The following KIF27 variants were observed in gnomAD, a reference collection of about 807,000 sequenced individuals.
KIF27 encodes the protein kinesin family member 27, also known as kinesin-like protein KIF27.
KIF27 carries 84 observed loss-of-function variants against 141.8 expected under a neutral mutation model. That is an observed-to-expected ratio of 0.59 (90% CI 0.50 to 0.71). KIF27 has a LOEUF of 0.71. KIF27 is among the 30% of genes least tolerant of loss of function. The pLI is 0.00. For synonymous variants in KIF27, 471 were observed against 569.5 expected, an observed-to-expected ratio of 0.83 and a Z score of 2.46; for missense variants, 1,306 against 1,628.4, an observed-to-expected ratio of 0.80 and a Z score of 3.41.
At chr9:83,906,873 A>T (rs1021586528) in intron 3 of KIF27, among the ~76,000 whole-genome samples, 8 of 152,146 alleles carry the variant, frequency 5.3e-5, no homozygotes, top group African/African-American at 1.9e-4. Flanking sequence ...ACAAATTACC[A>T]TATAAACATG....
At chr9:83,898,269 C>T (rs980346262) in intron 5 of KIF27, among the ~76,000 whole-genome samples, 1 of 152,174 alleles carries the variant, frequency 6.6e-6, no homozygotes, top group African/African-American at 2.4e-5. Context: ...TCACACATTA[C>T]AGATAAAATA....
rs746775770 is a variant in KIF27, at chr9:83,887,177, G to A, written c.2103C>T (p.Leu701=). 6.5e-7 allele frequency: 1 copy of A among 1,530,786 alleles called. No individual in the cohort carries two copies. 94.8% of individuals were successfully genotyped at this position (1,530,786 alleles called of 1,614,324 possible). A position where few individuals can be genotyped will look rare whatever the true frequency, so the allele number is the denominator to read the frequency against. ...GCAAATTCAATTCTTGACTCTCCTG[G>A]AGACAATCAATCTTTAAATCTTTAA... ...LENEDLKIDC[L]QESQELNLQK... The change falls in exon 9 of 18, where the codon CTC becomes CTT. Residue 701 remains leucine (L), a synonymous_variant. Transcript: ENST00000297814.
chr9:83,907,291 A>AAAATAAATAAATAAAT (rs201873830), intron 3 of KIF27, among the ~76,000 whole-genome samples: 1 of 138,456 alleles, frequency 7.2e-6, no homozygotes, highest in Non-Finnish European at 1.5e-5. Flanking sequence ...CTCCATCTCA[A>AAAATAAATAAATAAAT]AAATAAATAA....
At position 83,908,628 on chromosome 9, in the gene KIF27, C is replaced by A; in HGVS notation, c.323G>T (p.Gly108Val). The A allele has an allele frequency of 6.2e-7, 1 of 1,605,364 alleles. No individual in the cohort carries two copies. The highest frequency in any genetic ancestry group is 8.5e-7 in the Non-Finnish European group (1 of 1,175,672). The stretch of plus-strand genomic sequence containing the variant: ...TTCTTGAATAGCTCGAGGAATGATA[C>A]CCTTTTGGCCCTCCACAACTGAAGC... ...HIASVVEGQK[G>V]IIPRAIQEIF... Residue 108 changes from glycine (G) to valine (V), a missense_variant, in exon 3 of 18, where the codon GGT becomes GTT. Coordinates refer to ENST00000297814, the MANE Select transcript of KIF27 (RefSeq NM_017576.4).
At chr9:83,919,315 G>C (rs1447528682) in intron 1 of KIF27, among the ~76,000 whole-genome samples, 1 of 152,146 alleles carries the variant, frequency 6.6e-6, no homozygotes, top group Non-Finnish European at 1.5e-5. Flanking sequence ...AAATGATCCA[G>C]CAATTCCACT....
chr9:83,902,286 G>A (rs1168942262), intron 4 of KIF27, among the ~76,000 whole-genome samples: 2 of 152,082 alleles, frequency 1.3e-5, no homozygotes, highest in Admixed American at 1.3e-4. Context: ...TTTGAAAAAT[G>A]GACAGAACCA....
chr9:83,909,719 G>A (rs752431718), intron 2 of KIF27, among the ~76,000 whole-genome samples: 6 of 151,968 alleles, frequency 3.9e-5, no homozygotes, highest in Non-Finnish European at 7.4e-5. Flanking sequence ...AGATATGGTA[G>A]AAATGTATAT....
intron 14 of KIF27, among the ~76,000 whole-genome samples, chr9:83,856,971 T>G (rs928117174): frequency 2.0e-5 from 3 of 150,538 alleles, no homozygotes; most frequent in African/African-American, 4.9e-5. Flanking sequence ...AAAGATTAGA[T>G]AAACATAATA....
intron 1 of KIF27, 35 bp from the exon 2 acceptor site, chr9:83,915,713 C>G: frequency 1.1e-6 from 1 of 950,004 alleles, no homozygotes; most frequent in East Asian, 2.6e-5. Flanking sequence ...ATTTTAATTA[C>G]TGATTCCTTG....
intron 5 of KIF27, among the ~76,000 whole-genome samples, chr9:83,896,410 A>T (rs1186609499): frequency 6.6e-6 from 1 of 152,206 alleles, no homozygotes; most frequent in Non-Finnish European, 1.5e-5. Flanking sequence ...AAAAATTAGT[A>T]CAGTTCCACA....
intron 1 of KIF27, among the ~76,000 whole-genome samples, chr9:83,916,408 C>A (rs1955685142): frequency 6.6e-6 from 1 of 152,114 alleles, no homozygotes. Flanking sequence ...CTCTTTGCCA[C>A]AATTATTAGA....
chr9:83,869,094 A>G (rs1478366286), intron 12 of KIF27, among the ~76,000 whole-genome samples: 20 of 152,204 alleles, frequency 1.3e-4, no homozygotes, highest in Non-Finnish European at 2.9e-4. Context: ...CTTAAAAGGA[A>G]AAAACCTAAA....
intron 14 of KIF27, among the ~76,000 whole-genome samples, chr9:83,854,495 C>T (rs1477496116): frequency 3.3e-5 from 5 of 152,120 alleles, no homozygotes; most frequent in South Asian, 2.1e-4. Flanking sequence ...AATAGGGCAA[C>T]GTAGTATTTT....
chr9:83,914,357 G>A (rs190389357), intron 2 of KIF27, among the ~76,000 whole-genome samples: 2 of 152,162 alleles, frequency 1.3e-5, no homozygotes, highest in African/African-American at 2.4e-5. Flanking sequence ...CTTTTAGTTG[G>A]AGAGTATTGG....
At position 83,836,941 on chromosome 9, in the gene KIF27, T is replaced by A; in HGVS notation, c.*60A>T. ...AGGTAGTGAACTTGAGCTTTAGTTT[T>A]TAACAGGTTAGAAAAAGGAATCTTT... On this transcript the variant is annotated 3_prime_UTR_variant, in exon 18 of 18. Coordinates refer to ENST00000297814, the MANE Select transcript of KIF27 (RefSeq NM_017576.4). 1 of 1,552,374 alleles carries A rather than the reference T, an allele frequency of 6.4e-7. No individual in the cohort carries two copies. The highest frequency in any genetic ancestry group is 8.7e-7 in the Non-Finnish European group (1 of 1,152,366).
At chr9:83,880,908 G>GA (rs1158467108) in intron 10 of KIF27, among the ~76,000 whole-genome samples, 1 of 152,036 alleles carries the variant, frequency 6.6e-6, no homozygotes. Context: ...TATTCTTCCA[G>GA]AAAAAAATGT....
At chr9:83,898,610 T>C (rs1953511489) in intron 5 of KIF27, 1 of 152,220 alleles carries the variant, frequency 6.6e-6, no homozygotes, top group African/African-American at 2.4e-5. Flanking sequence ...AAATCACTGA[T>C]TAATATGCAT....
At position 83,888,595 on chromosome 9, in the gene KIF27, T is replaced by A; in HGVS notation, c.1980-3A>T. The A allele has an allele frequency of 6.7e-7, 1 of 1,490,512 alleles. No homozygotes were observed. Among genetic ancestry groups the A allele is most frequent in the Non-Finnish European group, 9.1e-7 (1 of 1,093,142 alleles). The allele number at this position is 1,490,512 out of a possible 1,614,324, so 92.3% of individuals were successfully genotyped here. ...GAATCCATGAACGACTTCTACATCT[T>A]AAAAAAAAATCAGAAAGTTAACTTA... On this transcript the variant is annotated splice_polypyrimidine_tract_variant and splice_region_variant and intron_variant, in intron 7 of 17. Transcript: ENST00000297814.
Position 83,887,124 on chromosome 9 carries a change from A to C in KIF27, c.2156T>G (p.Leu719Arg). 1 of 1,604,756 alleles carries C rather than the reference A, an allele frequency of 6.2e-7. No homozygotes were observed. Among genetic ancestry groups the C allele is most frequent in the Non-Finnish European group, 8.5e-7 (1 of 1,176,186 alleles). ...TCTCATTTTTTGTTTAGCTTCAGTA[A>C]GTATGCGTTCTGAATTCTTTAATTT... ...LQKLKNSERILTEAKQKMREL... is the reference protein window; with the variant it reads ...LQKLKNSERIRTEAKQKMREL... Residue 719 changes from leucine to arginine, a missense_variant, in exon 9 of 18, where the codon CTT becomes CGT. Transcript: ENST00000297814.
Sources: gnomAD v4.1 joint callset for allele counts (sites outside exome capture counted in the v4.1 genomes callset) on GRCh38, gnomAD v4.1.1 for gene constraint, MANE v1.5 for transcripts, NCBI Gene and HGNC (gene_info 2026-07-23, HGNC 2026-07-21) for gene names.